The following OPCML variants were observed in gnomAD, a reference collection of about 807,000 sequenced individuals.
OPCML encodes the protein opioid binding protein/cell adhesion molecule like, also known as opioid-binding protein/cell adhesion molecule.
Under a neutral mutation model 37.8 loss-of-function variants are expected in OPCML, and 13 were observed. That is an observed-to-expected ratio of 0.34 (90% CI 0.22 to 0.55). The LOEUF (loss-of-function observed/expected upper bound fraction) is 0.55. OPCML is among the 20% of genes least tolerant of loss of function. The pLI is 0.91. For synonymous variants in OPCML, 176 were observed against 168.8 expected (o/e 1.04, Z -0.33); for missense variants, 341 against 435.6 (o/e 0.78, Z 1.93).
In OPCML at chr11:133,102,621, G is replaced by C. The variant is rs146960882; in HGVS notation, c.62-159611C>G. Among the ~76,000 whole-genome samples the C allele has an allele frequency of 1.0e-2, 1,518 of 152,194 alleles. 22 individuals carry two copies. The highest frequency in any genetic ancestry group is 0.028 in the African/African-American group (1,167 of 41,522). ...AAAAATTCACCAGGCGTGGTGGCAGGTGCCTGTAGTCCCAGCTACTCAGGA... is the reference window on the plus strand; with the variant it reads ...AAAAATTCACCAGGCGTGGTGGCAGCTGCCTGTAGTCCCAGCTACTCAGGA... On this transcript the variant is annotated intron_variant, in intron 1 of 7. Coordinates refer to ENST00000524381, the MANE Select transcript of OPCML (RefSeq NM_001012393.5).
chr11:132,452,517 C>T (rs1236422034), intron 4 of OPCML, among the ~76,000 whole-genome samples: 3 of 141,104 alleles, frequency 2.1e-5, no homozygotes, highest in Non-Finnish European at 4.7e-5. Context: ...TTCCTTCCTT[C>T]CTTCCTTCTT....
chr11:133,362,984 A>G (rs1205076328), intron 1 of OPCML, among the ~76,000 whole-genome samples: 3 of 152,204 alleles, frequency 2.0e-5, no homozygotes, highest in African/African-American at 7.2e-5. Context: ...ATGGGACTAC[A>G]TTCCCATAGG....
At chr11:133,254,025 A>G (rs1941236024) in intron 1 of OPCML, among the ~76,000 whole-genome samples, 1 of 152,162 alleles carries the variant, frequency 6.6e-6, no homozygotes, top group African/African-American at 2.4e-5. Flanking sequence ...TGCTGGTCCT[A>G]TCTTCAAAGA....
chr11:132,463,251 A>G (rs1369930957), intron 4 of OPCML, among the ~76,000 whole-genome samples: 1 of 152,136 alleles, frequency 6.6e-6, no homozygotes, highest in Non-Finnish European at 1.5e-5. Flanking sequence ...TCTCAACACT[A>G]TCACATACTC....
At position 132,657,594 on chromosome 11, in the gene OPCML, T is replaced by C. The variant is rs535919374; in HGVS notation, c.147-275A>G. ...CCATTTGCTTTCCCTGTTATTTTTT[T>C]CCCCATAGGCTTATATGAAAATCAG... On this transcript the variant is annotated intron_variant, in intron 2 of 7. Transcript: ENST00000524381. Among the ~76,000 whole-genome samples the C allele has an allele frequency of 7.9e-5, 12 of 152,316 alleles. 1 individual carries two copies. In the South Asian group the frequency reaches 2.5e-3, roughly 32 times the overall value.
At chr11:132,481,660 T>TA (rs2096180946) in intron 4 of OPCML, among the ~76,000 whole-genome samples, 1 of 151,506 alleles carries the variant, frequency 6.6e-6, no homozygotes, top group East Asian at 1.9e-4. Context: ...GTTGACCACA[T>TA]AGTTGGAAGT....
chr11:132,548,025 C>T (rs533447918), intron 3 of OPCML, among the ~76,000 whole-genome samples: 1 of 152,170 alleles, frequency 6.6e-6, no homozygotes, highest in Non-Finnish European at 1.5e-5. Context: ...AGACACTGTA[C>T]TATGGAGAGT....
chr11:133,038,047 G>A (rs1293326349), intron 1 of OPCML, among the ~76,000 whole-genome samples: 4 of 152,234 alleles, frequency 2.6e-5, no homozygotes, highest in Non-Finnish European at 5.9e-5. Context: ...AGTTTTAGCA[G>A]AAGGATTTTA....
chr11:133,372,027 G>C (rs1239570277), intron 1 of OPCML, among the ~76,000 whole-genome samples: 3 of 152,050 alleles, frequency 2.0e-5, no homozygotes, highest in Non-Finnish European at 4.4e-5. Context: ...AGAAGGGTGT[G>C]GGGGGAGGGA....
At chr11:133,287,190 A>G (rs957713633) in intron 1 of OPCML, among the ~76,000 whole-genome samples, 3 of 152,148 alleles carry the variant, frequency 2.0e-5, no homozygotes, top group Non-Finnish European at 4.4e-5. Flanking sequence ...AAAAAGCAAA[A>G]AAGATAAAGT....
intron 3 of OPCML, among the ~76,000 whole-genome samples, chr11:132,546,816 G>GT (rs1565653718): frequency 6.6e-6 from 1 of 152,194 alleles, no homozygotes; most frequent in African/African-American, 2.4e-5. Flanking sequence ...GGTGGTGGCA[G>GT]GTGGACAGTG....
intron 2 of OPCML, among the ~76,000 whole-genome samples, chr11:132,737,505 TAACA>T (rs948521378): frequency 1.5e-4 from 23 of 152,234 alleles, no homozygotes; most frequent in African/African-American, 5.5e-4. Context: ...ATTTCCATCC[TAACA>T]ATTATTCTAC....
At chr11:132,432,821 A>T (rs896332438) in intron 7 of OPCML, among the ~76,000 whole-genome samples, 27 of 152,212 alleles carry the variant, frequency 1.8e-4, no homozygotes, top group Admixed American at 1.7e-3. Context: ...TTACAACTAG[A>T]AGATAAAGTC....
At chr11:133,399,972 A>G (rs1945367745) in intron 1 of OPCML, among the ~76,000 whole-genome samples, 1 of 152,044 alleles carries the variant, frequency 6.6e-6, no homozygotes, top group African/African-American at 2.4e-5. Flanking sequence ...CTAACCTTCC[A>G]GTGAACTTAG....
At chr11:133,433,014 T>C (rs1016788955) in intron 1 of OPCML, among the ~76,000 whole-genome samples, 4 of 152,220 alleles carry the variant, frequency 2.6e-5, no homozygotes, top group African/African-American at 9.6e-5. Flanking sequence ...TTTTGGTATT[T>C]ATTTTCTCAA....
intron 1 of OPCML, among the ~76,000 whole-genome samples, chr11:133,225,383 A>T (rs1335514720): frequency 6.6e-6 from 1 of 151,716 alleles, no homozygotes; most frequent in African/African-American, 2.4e-5. Context: ...AAACATTGGC[A>T]CCTCTGCCTA....
At chr11:132,922,000 C>G (rs1194209411) in intron 2 of OPCML, among the ~76,000 whole-genome samples, 1 of 152,082 alleles carries the variant, frequency 6.6e-6, no homozygotes. Context: ...CTGCCTCAGC[C>G]TCCTGAGTAG....
At chr11:133,050,568 G>T (rs1019142744) in intron 1 of OPCML, among the ~76,000 whole-genome samples, 1 of 152,130 alleles carries the variant, frequency 6.6e-6, no homozygotes, top group Admixed American at 6.5e-5. Context: ...GGAGCCCAGG[G>T]AGGACTTGCT....
At chr11:132,877,245 G>A (rs1943054551) in intron 2 of OPCML, among the ~76,000 whole-genome samples, 1 of 152,100 alleles carries the variant, frequency 6.6e-6, no homozygotes, top group Non-Finnish European at 1.5e-5. Context: ...GAAATTCCCG[G>A]TCAGCATTTT....
Sources: allele counts gnomAD v4.1 joint callset (sites outside exome capture counted in the v4.1 genomes callset), GRCh38; gene constraint gnomAD v4.1.1; transcripts MANE v1.5; gene names NCBI Gene and HGNC (gene_info 2026-07-23, HGNC 2026-07-21).